The following NCOA2 variants were observed in gnomAD, a reference collection of about 807,000 sequenced individuals.
NCOA2 encodes the protein nuclear receptor coactivator 2, also known as class E basic helix-loop-helix protein 75.
A neutral mutation model predicts 145.1 loss-of-function variants in NCOA2; 21 were observed. The observed-to-expected ratio is 0.14, with a 90% confidence interval of 0.10 to 0.21. NCOA2 has a LOEUF of 0.21. Among genes scored for constraint, NCOA2 ranks in the 10% least tolerant of loss-of-function variants. NCOA2 has a pLI of 1.00. For missense variants in NCOA2, 1,472 were observed against 1,837.6 expected (o/e 0.80, Z 3.64); for synonymous variants, 619 against 637.5 (o/e 0.97, Z 0.44).
chr8:70,435,467 G>A, the NCOA2 span, among the ~76,000 whole-genome samples: 4 of 138,440 alleles, frequency 2.9e-5, no homozygotes, highest in East Asian at 8.5e-4. Context: ...TACACACTCT[G>A]GAGAGTCACA....
At chr8:70,149,393 AC>A (rs1811498605) in intron 11 of NCOA2, among the ~76,000 whole-genome samples, 1 of 143,954 alleles carries the variant, frequency 6.9e-6, no homozygotes, top group Non-Finnish European at 1.5e-5. Context: ...CACCACCACC[AC>A]CATGTCTGGC....
chr8:70,131,178 G>T (rs1809050403), intron 16 of NCOA2, among the ~76,000 whole-genome samples: 1 of 148,918 alleles, frequency 6.7e-6, no homozygotes, highest in Non-Finnish European at 1.5e-5. Flanking sequence ...AACTGGCTGT[G>T]ACATTTTATT....
At chr8:70,407,180 A>G (rs936576057), upstream of NCOA2, among the ~76,000 whole-genome samples, 1 of 152,256 alleles carries the variant, frequency 6.6e-6, no homozygotes, top group Non-Finnish European at 1.5e-5. Context: ...TGGGGGCGTC[A>G]GTTAAAACAT....
At chr8:70,344,753 C>T (rs950845369) in intron 1 of NCOA2, among the ~76,000 whole-genome samples, 1 of 152,172 alleles carries the variant, frequency 6.6e-6, no homozygotes, top group Admixed American at 6.5e-5. Context: ...TGTCTCACAA[C>T]ATCAGTCAGG....
intron 1 of NCOA2, among the ~76,000 whole-genome samples, chr8:70,356,757 T>C (rs962003628): frequency 6.6e-6 from 1 of 152,216 alleles, no homozygotes; most frequent in African/African-American, 2.4e-5. Flanking sequence ...CCATAATGCT[T>C]TGACAGTATG....
chr8:70,244,237 G>C (rs1308639825), intron 2 of NCOA2, among the ~76,000 whole-genome samples: 1 of 152,058 alleles, frequency 6.6e-6, no homozygotes, highest in Non-Finnish European at 1.5e-5. Flanking sequence ...AAAAACATTA[G>C]CAAAATCATT....
chr8:70,438,766 G>C, the NCOA2 span, among the ~76,000 whole-genome samples: 1 of 152,276 alleles, frequency 6.6e-6, no homozygotes, highest in East Asian at 1.9e-4. Flanking sequence ...AGGACAAAAG[G>C]TTTCTTCCAA....
intron 1 of NCOA2, among the ~76,000 whole-genome samples, chr8:70,344,720 G>C (rs1054578729): frequency 3.3e-5 from 5 of 152,286 alleles, no homozygotes; most frequent in Middle Eastern, 3.4e-3. Context: ...GAGCAGGAGA[G>C]AGAGTGCTCC....
intron 2 of NCOA2, among the ~76,000 whole-genome samples, chr8:70,225,539 A>G (rs910086492): frequency 3.3e-5 from 5 of 149,632 alleles, no homozygotes; most frequent in Admixed American, 6.6e-5. Context: ...ACAGAGTGAG[A>G]CTCTGTCTCA....
intron 9 of NCOA2, 29 bp from the exon 10 acceptor site, chr8:70,159,681 C>A (rs1006899467): frequency 9.5e-6 from 15 of 1,575,544 alleles, no homozygotes; most frequent in East Asian, 2.3e-5. Flanking sequence ...ACAGAAGGCA[C>A]GTTTAGAAAA....
chr8:70,403,991 C>T (rs997702832), upstream of NCOA2, among the ~76,000 whole-genome samples: 2 of 152,248 alleles, frequency 1.3e-5, no homozygotes, highest in South Asian at 4.1e-4. Flanking sequence ...GCCGCCAAGT[C>T]CTGTCACCGG....
chr8:70,110,064 T>C lies in NCOA2; in HGVS notation c.*3568A>G, dbSNP rs566824972. 5 of 196,096 alleles carry C rather than the reference T, an allele frequency of 2.5e-5. No homozygotes were observed. The South Asian group carries it at 5.8e-4, about 23-fold the overall frequency. The allele number at this position is 196,096 out of a possible 1,614,324, so 12.1% of individuals were successfully genotyped here. A position where few individuals can be genotyped will look rare whatever the true frequency, so the allele number is the denominator to read the frequency against. The stretch of plus-strand genomic sequence containing the variant: ...CTGTAAGCTTTCTCCTGAAGAACCA[T>C]AGTTAATATATTGCTTAATTTTACC... On this transcript the variant is annotated 3_prime_UTR_variant, in exon 23 of 23. Coordinates refer to ENST00000452400, the MANE Select transcript of NCOA2 (RefSeq NM_006540.4).
rs554207209 is a variant in NCOA2, at chr8:70,321,787, A to G, written c.-76-24987T>C. Among the ~76,000 whole-genome samples, 202 of 121,158 alleles carry G rather than the reference A, an allele frequency of 1.7e-3. 1 individual carries two copies. The highest frequency in any genetic ancestry group is 6.0e-3 in the African/African-American group (184 of 30,630). The allele number at this position is 121,158 out of a possible 152,430, so 79.5% of individuals were successfully genotyped here. ...AGGTAATGCTTTCCTAAGTTTCAGA[A>G]TATACCTTTTTTTTTTTTTTTTTTT... On this transcript the variant is annotated intron_variant, in intron 1 of 22. Transcript: ENST00000452400.
rs568595943 is a variant in NCOA2, at chr8:70,326,583, T to C, written c.-76-29783A>G. 4.6e-5 allele frequency among the ~76,000 whole-genome samples: 7 copies of C among 152,068 alleles called. No homozygotes were observed. In the East Asian group the frequency reaches 1.2e-3, roughly 25 times the overall value. On this transcript the variant is annotated intron_variant, in intron 1 of 22. Coordinates refer to ENST00000452400, the MANE Select transcript of NCOA2 (RefSeq NM_006540.4). ...CAAGGGGGGTTCACATGAGGAAAAC[T>C]GATAGCAAATTTTTAATTTCTTACA... is the stretch of plus-strand genomic sequence containing the variant.
At chr8:70,355,090 T>C (rs1313500368) in intron 1 of NCOA2, among the ~76,000 whole-genome samples, 1 of 152,224 alleles carries the variant, frequency 6.6e-6, no homozygotes, top group Non-Finnish European at 1.5e-5. Flanking sequence ...ACCAAGCTAT[T>C]ATATATGGCG....
chr8:70,273,778 A>G (rs1277500195), intron 2 of NCOA2: 1 of 589,610 alleles, frequency 1.7e-6, no homozygotes, highest in African/African-American at 1.8e-5. Context: ...GGAGAGAATG[A>G]TGATGATGAA....
chr8:70,288,988 A>C (rs994315139), intron 2 of NCOA2, among the ~76,000 whole-genome samples: 3 of 152,224 alleles, frequency 2.0e-5, no homozygotes, highest in Admixed American at 6.5e-5. Context: ...AATAAAATCT[A>C]CTGTTTTATA....
At chr8:70,418,691 T>C in the NCOA2 span, among the ~76,000 whole-genome samples, 1 of 152,198 alleles carries the variant, frequency 6.6e-6, no homozygotes. Flanking sequence ...TAGTTATAGA[T>C]ATGCCTTCCC....
At chr8:70,197,007 A>G (rs1817396870) in intron 4 of NCOA2, among the ~76,000 whole-genome samples, 1 of 152,224 alleles carries the variant, frequency 6.6e-6, no homozygotes, top group Admixed American at 6.5e-5. Flanking sequence ...TATTCTATGG[A>G]CAGAGTGTAG....
Sources: gnomAD v4.1 joint callset for allele counts (sites outside exome capture counted in the v4.1 genomes callset) on GRCh38, gnomAD v4.1.1 for gene constraint, MANE v1.5 for transcripts, NCBI Gene and HGNC (gene_info 2026-07-23, HGNC 2026-07-21) for gene names.